PLXNA2: variants seen among roughly 807,000 people sequenced by gnomAD.
PLXNA2 encodes plexin A2.
In PLXNA2, 91 loss-of-function variants were observed where a neutral mutation model predicts 193.5. That is an observed-to-expected ratio of 0.47 (90% CI 0.40 to 0.56). The LOEUF (loss-of-function observed/expected upper bound fraction) is 0.56, where lower values mean the gene tolerates loss of function less well. Ranked by LOEUF, PLXNA2 falls within the 20% of genes least tolerant of loss-of-function variation. The pLI is 0.00. For missense variants in PLXNA2, 1,995 were observed against 2,503.2 expected, an observed-to-expected ratio of 0.80 and a Z score of 4.33; for synonymous variants, 997 against 1,027.3, an observed-to-expected ratio of 0.97 and a Z score of 0.56.
chr1:208,202,566 T>C (rs1670586166), intron 3 of PLXNA2, among the ~76,000 whole-genome samples: 1 of 152,124 alleles, frequency 6.6e-6, no homozygotes. Context: ...GACCAGGTGG[T>C]CTTTGTAAGT....
chr1:208,078,508 C>T (rs552863025), intron 12 of PLXNA2, among the ~76,000 whole-genome samples: 14 of 152,236 alleles, frequency 9.2e-5, no homozygotes, highest in South Asian at 6.2e-4. Flanking sequence ...TGGGTACCTG[C>T]CTGGGCCTTT....
intron 3 of PLXNA2, among the ~76,000 whole-genome samples, chr1:208,206,638 C>G (rs997244774): frequency 2.0e-5 from 3 of 152,176 alleles, no homozygotes; most frequent in Admixed American, 6.5e-5. Flanking sequence ...TTCAGTAAAG[C>G]TTTGCAGATT....
At chr1:208,227,311 C>T (rs955945074) in intron 1 of PLXNA2, among the ~76,000 whole-genome samples, 3 of 152,168 alleles carry the variant, frequency 2.0e-5, no homozygotes, top group African/African-American at 7.2e-5. Context: ...GCTACATGCC[C>T]TGTATATGCT....
intron 1 of PLXNA2, among the ~76,000 whole-genome samples, chr1:208,234,152 A>G (rs1671778291): frequency 6.6e-6 from 1 of 152,116 alleles, no homozygotes; most frequent in African/African-American, 2.4e-5. Context: ...GGCTGGGGCA[A>G]ACAAATATCC....
intron 3 of PLXNA2, among the ~76,000 whole-genome samples, chr1:208,151,611 T>C (rs544514011): frequency 2.6e-5 from 4 of 152,330 alleles, no homozygotes; most frequent in African/African-American, 9.6e-5. Flanking sequence ...CTTCTCTCTC[T>C]TTATAAGTTT....
chr1:208,072,857 T>C (rs2102370231), intron 12 of PLXNA2, among the ~76,000 whole-genome samples: 1 of 152,294 alleles, frequency 6.6e-6, no homozygotes, highest in East Asian at 1.9e-4. Context: ...CCAATTTATC[T>C]GGCATCTCTT....
intron 3 of PLXNA2, among the ~76,000 whole-genome samples, chr1:208,187,044 C>A (rs994636296): frequency 5.3e-5 from 8 of 152,074 alleles, no homozygotes; most frequent in Admixed American, 1.3e-4. Flanking sequence ...TGTACAAAAT[C>A]CTTCCTGTAG....
intron 26 of PLXNA2, among the ~76,000 whole-genome samples, chr1:208,035,175 T>C (rs918979994): frequency 6.7e-6 from 1 of 148,570 alleles, no homozygotes; most frequent in African/African-American, 2.5e-5. Context: ...ATTTTACAGA[T>C]GAAAAAAAAA....
chr1:208,142,481 G>T lies in PLXNA2; in HGVS notation c.1372-18C>A, dbSNP rs1668486490. 2.5e-6 allele frequency: 4 copies of T among 1,591,272 alleles called. No individual in the cohort carries two copies. The highest frequency in any genetic ancestry group is 3.4e-6 in the Non-Finnish European group (4 of 1,170,094). On this transcript the variant is annotated intron_variant, in intron 3 of 31. Transcript: ENST00000367033. ...GCCCGAATCTGTATGAGAAACAAGG[G>T]TGTCCTCAGCATCTGCCCTCAGTAT...
intron 2 of PLXNA2, among the ~76,000 whole-genome samples, chr1:208,213,195 G>T (rs1431764545): frequency 6.6e-6 from 1 of 151,940 alleles, no homozygotes; most frequent in Non-Finnish European, 1.5e-5. Flanking sequence ...CTCAGCCTAA[G>T]CCCTTAGGAT....
intron 1 of PLXNA2, among the ~76,000 whole-genome samples, chr1:208,231,341 G>A (rs1671686650): frequency 6.6e-6 from 1 of 152,100 alleles, no homozygotes; most frequent in African/African-American, 2.4e-5. Flanking sequence ...GAGGGACCCA[G>A]GAGGGAAGCG....
At chr1:208,060,439 T>A (rs1470442320) in intron 13 of PLXNA2, among the ~76,000 whole-genome samples, 1 of 151,684 alleles carries the variant, frequency 6.6e-6, no homozygotes, top group Admixed American at 6.6e-5. Flanking sequence ...AAAGACTGAA[T>A]GAGGGACGGT....
At chr1:208,218,745 C>G (rs1671227034) in intron 1 of PLXNA2, among the ~76,000 whole-genome samples, 2 of 152,228 alleles carry the variant, frequency 1.3e-5, no homozygotes. Context: ...GCCGGAAAAG[C>G]CCTCGGGAGA....
chr1:208,045,264 A>C, intron 18 of PLXNA2, 54 bp from the exon 19 acceptor site: 1 of 1,567,422 alleles, frequency 6.4e-7, no homozygotes, highest in Non-Finnish European at 8.8e-7. Context: ...CGCACAAGTT[A>C]ATTGCCTACT....
chr1:208,237,532 C>G (rs1671904933), intron 1 of PLXNA2, among the ~76,000 whole-genome samples: 1 of 152,162 alleles, frequency 6.6e-6, no homozygotes, highest in Non-Finnish European at 1.5e-5. Context: ...GAAAACAACT[C>G]CAGCGCTGTC....
At chr1:208,027,557 G>A (rs373535945) in intron 31 of PLXNA2, among the ~76,000 whole-genome samples, 6 of 152,302 alleles carry the variant, frequency 3.9e-5, no homozygotes, top group African/African-American at 1.4e-4. Flanking sequence ...CATAGGAAGT[G>A]CTATGCAAGT....
chr1:208,121,533 T>G (rs1449820272), intron 4 of PLXNA2, among the ~76,000 whole-genome samples: 1 of 152,144 alleles, frequency 6.6e-6, no homozygotes, highest in Non-Finnish European at 1.5e-5. Flanking sequence ...TCATGAGAAC[T>G]GATGGCTTTA....
intron 12 of PLXNA2, among the ~76,000 whole-genome samples, chr1:208,076,556 A>G (rs1352246474): frequency 6.6e-6 from 1 of 152,204 alleles, no homozygotes; most frequent in Non-Finnish European, 1.5e-5. Flanking sequence ...CCATACAGGT[A>G]TTTTTGGTAC....
intron 12 of PLXNA2, among the ~76,000 whole-genome samples, chr1:208,066,891 T>G (rs1265929722): frequency 6.6e-6 from 1 of 152,048 alleles, no homozygotes; most frequent in Non-Finnish European, 1.5e-5. Flanking sequence ...AAAACAAATT[T>G]AAAAAGTAAA....
Sources: allele counts gnomAD v4.1 joint callset (sites outside exome capture counted in the v4.1 genomes callset), GRCh38; gene constraint gnomAD v4.1.1; transcripts MANE v1.5; gene names NCBI Gene and HGNC (gene_info 2026-07-23, HGNC 2026-07-21).